Variants in GSN observed in about 807,000 individuals in gnomAD.
GSN encodes the protein gelsolin.
A neutral mutation model predicts 85.7 loss-of-function variants in GSN; 56 were observed. The observed-to-expected ratio is 0.65, with a 90% CI of 0.53 to 0.82. The LOEUF is 0.82. GSN is among the 40% of genes least tolerant of loss of function. The pLI is 0.00. For missense variants in GSN, 857 were observed against 979.8 expected, an observed-to-expected ratio of 0.87 and a Z score of 1.67; for synonymous variants, 373 against 399.1, an observed-to-expected ratio of 0.93 and a Z score of 0.78.
intron 5 of GSN, among the ~76,000 whole-genome samples, chr9:121,245,715 T>C (rs961161610): frequency 1.3e-5 from 2 of 152,108 alleles, no homozygotes; most frequent in African/African-American, 4.8e-5. Flanking sequence ...CTAAAAATAA[T>C]TGAAATTCAA....
At chr9:121,242,453 A>G (rs974849319) in intron 5 of GSN, among the ~76,000 whole-genome samples, 1 of 150,888 alleles carries the variant, frequency 6.6e-6, no homozygotes, top group South Asian at 2.2e-4. Flanking sequence ...GTCCTCTGGA[A>G]AAAGGGGGAT....
chr9:121,226,890 C>T (rs767024094), intron 4 of GSN, among the ~76,000 whole-genome samples: 3 of 152,202 alleles, frequency 2.0e-5, no homozygotes, highest in African/African-American at 4.8e-5. Context: ...AGTTAATAAT[C>T]GATCATGCCT....
At chr9:121,239,501 C>T in intron 5 of GSN, 1 of 312,526 alleles carries the variant, frequency 3.2e-6, no homozygotes, top group Middle Eastern at 4.1e-4. Flanking sequence ...TTTAGCAAAC[C>T]AGTCTGGTGG....
chr9:121,250,669 C>G (rs2132237691), intron 6 of GSN, among the ~76,000 whole-genome samples: 1 of 151,752 alleles, frequency 6.6e-6, no homozygotes, highest in Admixed American at 6.6e-5. Context: ...TCCCAAGTAG[C>G]TGAGACTACA....
At chr9:121,312,286 G>A in intron 5 of GSN, 53 bp from the exon 6 acceptor site, 2 of 1,603,990 alleles carry the variant, frequency 1.2e-6, no homozygotes, top group East Asian at 2.2e-5. Context: ...CCTGTCGCTG[G>A]GCGGGGCTTA....
At chr9:121,287,390 A>C (rs2132770315) in intron 2 of GSN, among the ~76,000 whole-genome samples, 1 of 152,294 alleles carries the variant, frequency 6.6e-6, no homozygotes. Flanking sequence ...TGTGAAAGGA[A>C]GATGTGGGCC....
intron 5 of GSN, among the ~76,000 whole-genome samples, chr9:121,240,491 G>C (rs114220179): frequency 6.6e-6 from 1 of 152,172 alleles, no homozygotes; most frequent in Non-Finnish European, 1.5e-5. Context: ...ATCAGGCCTC[G>C]GGAGAGGCAA....
At chr9:121,273,818 A>G (rs7862876) in intron 1 of GSN, among the ~76,000 whole-genome samples, 63,509 of 152,058 alleles carry the variant, frequency 0.42, 14,594 homozygotes, top group East Asian at 0.6. Context: ...CAATAGTCCT[A>G]GGGATTAAAA....
chr9:121,255,094 G>A (rs974454497), intron 6 of GSN, among the ~76,000 whole-genome samples: 1 of 151,942 alleles, frequency 6.6e-6, no homozygotes, highest in South Asian at 2.1e-4. Flanking sequence ...GACTACAGGC[G>A]CCCGCCACCA....
intron 13 of GSN, 50 bp from the exon 14 acceptor site, chr9:121,327,258 G>T: frequency 6.8e-7 from 1 of 1,479,880 alleles, no homozygotes; most frequent in Non-Finnish European, 9.5e-7. Flanking sequence ...TGAGGAGGGG[G>T]CTGAGGGCTT....
chr9:121,255,074 G>A (rs987343337), intron 6 of GSN, among the ~76,000 whole-genome samples: 2 of 152,036 alleles, frequency 1.3e-5, no homozygotes, highest in African/African-American at 2.4e-5. Flanking sequence ...TCAGCCTCCC[G>A]AGTAGCTGGG....
intron 4 of GSN, among the ~76,000 whole-genome samples, chr9:121,304,921 T>G (rs1344225091): frequency 6.6e-6 from 1 of 151,942 alleles, no homozygotes; most frequent in Non-Finnish European, 1.5e-5. Context: ...TCACGAAGAG[T>G]TAATCCATTG....
rs746392114 is a variant in GSN, at chr9:121,326,569, CCCATGATCATCTA to C, written c.1476_1488del (p.Met493ArgfsTer41). 2 of 1,613,968 alleles carry C rather than the reference CCCATGATCATCTA, an allele frequency of 1.2e-6. No homozygotes were observed. Among genetic ancestry groups the C allele is most frequent in the Admixed American group, 3.3e-5 (2 of 60,024 alleles). On this transcript the variant is annotated frameshift_variant, in exon 13 of 18. Coordinates refer to ENST00000432226, the MANE Select transcript of GSN (RefSeq NM_198252.3). LOFTEE classifies it high-confidence loss of function. The stretch of plus-strand genomic sequence containing the variant: ...CCTCATGAGCCTGTTTGGTGGGAAG[CCCATGATCATCTA>C]CAAGGGCGGCACCTCCCGCGAGGGC...
intron 5 of GSN, among the ~76,000 whole-genome samples, chr9:121,243,468 T>G (rs551352607): frequency 4.6e-5 from 7 of 152,372 alleles, no homozygotes; most frequent in African/African-American, 1.7e-4. Context: ...GTAGGGGCCA[T>G]TAATTAGCCT....
chr9:121,252,432 A>G (rs1317597012), intron 6 of GSN, among the ~76,000 whole-genome samples: 1 of 152,216 alleles, frequency 6.6e-6, no homozygotes, highest in East Asian at 1.9e-4. Context: ...CAGATTTCAA[A>G]AGATCTTGAA....
chr9:121,329,070 A>G lies in GSN; in HGVS notation c.1887+55A>G, dbSNP rs571368098. ...TTTCCCCTCGGGAGGCGAGTTCCACAGGACTGGCCGGCAGCAGGGGCAGGA... is the reference window on the plus strand; with the variant it reads ...TTTCCCCTCGGGAGGCGAGTTCCACGGGACTGGCCGGCAGCAGGGGCAGGA... On this transcript the variant is annotated intron_variant, in intron 15 of 17. Coordinates refer to ENST00000432226, the MANE Select transcript of GSN (RefSeq NM_198252.3). This position sits in a 1 kb window ranked among gnomAD's most constrained non-coding sequence, Gnocchi z 4.6. 1.2e-4 allele frequency: 185 copies of G among 1,604,418 alleles called. No homozygotes were observed. The highest frequency in any genetic ancestry group is 1.5e-4 in the Non-Finnish European group (178 of 1,175,238).
intron 5 of GSN, among the ~76,000 whole-genome samples, chr9:121,247,831 G>T (rs1490918049): frequency 6.6e-6 from 1 of 152,022 alleles, no homozygotes; most frequent in East Asian, 1.9e-4. Flanking sequence ...TCTGGTAATG[G>T]GTCACTGATA....
chr9:121,294,191 G>A (rs1481453306), intron 2 of GSN, among the ~76,000 whole-genome samples: 1 of 152,180 alleles, frequency 6.6e-6, no homozygotes, highest in East Asian at 1.9e-4. Context: ...TGCAGAGCCT[G>A]TGACTCTCCA....
At chr9:121,270,302 G>A (rs2055751044) in intron 1 of GSN, among the ~76,000 whole-genome samples, 1 of 152,232 alleles carries the variant, frequency 6.6e-6, no homozygotes, top group African/African-American at 2.4e-5. Flanking sequence ...CTGAGAAAGG[G>A]TTTTGACAGA....
Sources: allele counts gnomAD v4.1 joint callset (sites outside exome capture counted in the v4.1 genomes callset), GRCh38; gene constraint gnomAD v4.1.1; non-coding constraint Gnocchi (gnomAD v3.1); transcripts MANE v1.5; gene names NCBI Gene and HGNC (gene_info 2026-07-23, HGNC 2026-07-21).